The following ERGIC1 variants were observed in gnomAD, a reference collection of about 807,000 sequenced individuals.
ERGIC1 encodes endoplasmic reticulum-golgi intermediate compartment 1, also known as endoplasmic reticulum-Golgi intermediate compartment protein 1.
Under a neutral mutation model 38.3 loss-of-function variants are expected in ERGIC1, and 19 were observed. The observed-to-expected ratio is 0.50, with a 90% CI of 0.35 to 0.73. The LOEUF is 0.73. ERGIC1 is among the 30% of genes least tolerant of loss of function. ERGIC1 has a pLI of 0.01. For synonymous variants in ERGIC1, 124 were observed against 157.6 expected, an observed-to-expected ratio of 0.79 and a Z score of 1.60; for missense variants, 294 against 389.2, an observed-to-expected ratio of 0.76 and a Z score of 2.06.
intron 9 of ERGIC1, among the ~76,000 whole-genome samples, chr5:172,944,837 GCTGC>G (rs1764086425): frequency 6.6e-6 from 1 of 152,194 alleles, no homozygotes; most frequent in African/African-American, 2.4e-5. Context: ...AGGGGCACCT[GCTGC>G]CTGCCCCATC....
rs1292753099 is a variant in ERGIC1 at position 172,888,650 on chromosome 5, G to A, written c.21-49G>A. ...CCAGCACCACTGCCTGCTGCCTTGA[G>A]ACCCACCCTTTGTGCCCACCTCACT... On this transcript the variant is annotated intron_variant, in intron 1 of 9. Transcript: ENST00000393784. The A allele has an allele frequency of 2.7e-6, 4 of 1,498,104 alleles. No homozygotes were observed. In the South Asian group the frequency reaches 4.5e-5, roughly 17 times the overall value. 92.8% of individuals were successfully genotyped at this position (1,498,104 alleles called of 1,614,324 possible). A position where few individuals can be genotyped will look rare whatever the true frequency, so the allele number is the denominator to read the frequency against.
At chr5:172,864,587 A>G (rs895192480) in intron 1 of ERGIC1, among the ~76,000 whole-genome samples, 3 of 152,014 alleles carry the variant, frequency 2.0e-5, no homozygotes, top group Non-Finnish European at 4.4e-5. Context: ...GTCAAAATGG[A>G]AAGTGCAGAC....
At chr5:172,923,653 C>T (rs1320390771) in intron 5 of ERGIC1, among the ~76,000 whole-genome samples, 2 of 152,194 alleles carry the variant, frequency 1.3e-5, no homozygotes, top group Non-Finnish European at 2.9e-5. Flanking sequence ...GGTCATCCCC[C>T]AGCTGACTGT....
chr5:172,884,159 T>C (rs1024714817), intron 1 of ERGIC1, among the ~76,000 whole-genome samples: 1 of 152,200 alleles, frequency 6.6e-6, no homozygotes. Flanking sequence ...ATCCTTTCTG[T>C]TTTATCCAAT....
chr5:172,912,010 T>C (rs567322007), intron 4 of ERGIC1, among the ~76,000 whole-genome samples: 36 of 152,044 alleles, frequency 2.4e-4, no homozygotes, highest in African/African-American at 8.0e-4. Flanking sequence ...GTTTTTGTTG[T>C]TATTGTTGTT....
At chr5:172,882,853 C>A (rs1179900658) in intron 1 of ERGIC1, among the ~76,000 whole-genome samples, 1 of 152,150 alleles carries the variant, frequency 6.6e-6, no homozygotes, top group Non-Finnish European at 1.5e-5. Flanking sequence ...ACCTAAAATT[C>A]AGCACCTCAA....
intron 1 of ERGIC1, among the ~76,000 whole-genome samples, chr5:172,844,310 A>G (rs560201853): frequency 4.6e-5 from 7 of 152,330 alleles, no homozygotes; most frequent in Admixed American, 4.6e-4. Flanking sequence ...CCTGTGGGGA[A>G]GGGACAGCTG....
Position 172,859,937 on chromosome 5 carries a change from G to C in ERGIC1, c.20+25504G>C, listed in dbSNP as rs573165176. Among the ~76,000 whole-genome samples the C allele has an allele frequency of 3.3e-5, 5 of 152,254 alleles. No individual in the cohort carries two copies. In the East Asian group the frequency reaches 9.6e-4, roughly 29 times the overall value. On this transcript the variant is annotated intron_variant, in intron 1 of 9. Coordinates refer to ENST00000393784, the MANE Select transcript of ERGIC1 (RefSeq NM_001031711.3). ...TTTTCCAACTGTTTCTTGCCTTTAA[G>C]CTGTGCTTTGCCTACAGGCCTTTTC...
At chr5:172,930,391 C>T (rs1169288191) in intron 7 of ERGIC1, among the ~76,000 whole-genome samples, 4 of 150,688 alleles carry the variant, frequency 2.7e-5, no homozygotes, top group Non-Finnish European at 4.4e-5. Context: ...CGCTCTGTTG[C>T]CCAGGCTGGA....
chr5:172,893,949 A>G (rs1169651736), intron 2 of ERGIC1, among the ~76,000 whole-genome samples: 8 of 87,292 alleles, frequency 9.2e-5, no homozygotes, highest in East Asian at 3.4e-4. Flanking sequence ...ATATATATAT[A>G]TATATTTAAA....
At chr5:172,918,566 T>C (rs1763432178) in intron 5 of ERGIC1, among the ~76,000 whole-genome samples, 1 of 152,282 alleles carries the variant, frequency 6.6e-6, no homozygotes, top group East Asian at 1.9e-4. Flanking sequence ...TGTATAGATA[T>C]CAAAGAGCAG....
rs1428488259 is a variant in ERGIC1, at chr5:172,846,503, A to G, written c.20+12070A>G. Among the ~76,000 whole-genome samples, 1 of 152,204 alleles carries G rather than the reference A, an allele frequency of 6.6e-6. No individual in the cohort carries two copies. The highest frequency in any genetic ancestry group is 1.5e-5 in the Non-Finnish European group (1 of 68,034). ...CACCATCATTACACACCTGCATGGT[A>G]GGAGGAACTGTCTTGGCTCTGAGTT... On this transcript the variant is annotated intron_variant, in intron 1 of 9. Coordinates refer to ENST00000393784, the MANE Select transcript of ERGIC1 (RefSeq NM_001031711.3). The surrounding 1 kb of genome is among the most constrained non-coding windows in gnomAD (Gnocchi z 4.0).
chr5:172,848,082 T>C (rs1165856712), intron 1 of ERGIC1, among the ~76,000 whole-genome samples: 2 of 152,242 alleles, frequency 1.3e-5, no homozygotes, highest in African/African-American at 4.8e-5. Context: ...GGCTTTCTCG[T>C]TGATATTCTG....
At chr5:172,894,132 CTTTTTTTTTTT>C (rs781661227) in intron 2 of ERGIC1, among the ~76,000 whole-genome samples, 2 of 10,488 alleles carry the variant, frequency 1.9e-4, no homozygotes, top group African/African-American at 3.5e-4. Flanking sequence ...GCTGATGATA[CTTTTTTTTTTT>C]TTTTTTTTTT....
At chr5:172,884,270 T>A (rs1386382021) in intron 1 of ERGIC1, among the ~76,000 whole-genome samples, 2 of 145,460 alleles carry the variant, frequency 1.4e-5, no homozygotes, top group Admixed American at 6.9e-5. Context: ...TTTTTTTTTT[T>A]AAAGACAGGG....
chr5:172,852,383 A>G (rs1761432392), intron 1 of ERGIC1, among the ~76,000 whole-genome samples: 1 of 151,894 alleles, frequency 6.6e-6, no homozygotes, highest in Admixed American at 6.5e-5. Flanking sequence ...TCTAACTCAG[A>G]CACTTCCTCA....
chr5:172,906,932 A>G (rs895357387), intron 3 of ERGIC1, among the ~76,000 whole-genome samples: 2 of 152,074 alleles, frequency 1.3e-5, no homozygotes, highest in African/African-American at 2.4e-5. Context: ...AGCTTCTGGC[A>G]CTCAGCACCT....
In ERGIC1 at chr5:172,926,541, C is replaced by A; in HGVS notation, c.513C>A (p.Leu171=). 6.2e-7 allele frequency: 1 copy of A among 1,613,306 alleles called. No individual in the cohort carries two copies. Among genetic ancestry groups the A allele is most frequent in the Non-Finnish European group, 8.5e-7 (1 of 1,180,018 alleles). The change falls in exon 7 of 10, where the codon CTC becomes CTA. Residue 171 remains leucine, a synonymous_variant. Transcript: ENST00000393784. This position sits in a 1 kb window ranked among gnomAD's most constrained non-coding sequence, Gnocchi z 5.2. ...VQNIHGAFNA[L]GGADRLTSNP... is the part of the protein sequence containing the mutation. ...ACATCCACGGAGCTTTCAATGCTCT[C>A]GGGGGAGCAGACAGACTCACCTCCA... is the stretch of plus-strand genomic sequence containing the variant.
chr5:172,887,424 C>T (rs1376818299), intron 1 of ERGIC1, among the ~76,000 whole-genome samples: 4 of 152,230 alleles, frequency 2.6e-5, no homozygotes, highest in African/African-American at 7.2e-5. Context: ...ACATCCTTTA[C>T]AGACACTTCT....
Sources: gnomAD v4.1 joint callset for allele counts (sites outside exome capture counted in the v4.1 genomes callset) on GRCh38, gnomAD v4.1.1 for gene constraint, Gnocchi (gnomAD v3.1) non-coding constraint, MANE v1.5 for transcripts, NCBI Gene and HGNC (gene_info 2026-07-23, HGNC 2026-07-21) for gene names.